Variants in AUTS2 observed in about 807,000 individuals in gnomAD.
The protein encoded by AUTS2 is activator of transcription and developmental regulator AUTS2.
A neutral mutation model predicts 112.4 loss-of-function variants in AUTS2; 17 were observed. The observed-to-expected ratio is 0.15, with a 90% CI of 0.10 to 0.23. The LOEUF is 0.23. Ranked by LOEUF, AUTS2 falls within the 10% of genes least tolerant of loss-of-function variation. AUTS2 has a pLI of 1.00. For synonymous variants in AUTS2, 751 were observed against 702.7 expected (o/e 1.07, Z -1.09); for missense variants, 1,510 against 1,701.6 (o/e 0.89, Z 1.98).
intron 2 of AUTS2, among the ~76,000 whole-genome samples, chr7:70,025,044 C>T (rs776633384): frequency 1.3e-5 from 2 of 152,210 alleles, no homozygotes; most frequent in Non-Finnish European, 2.9e-5. Flanking sequence ...TTCTGTCTCT[C>T]ATCTCACATG....
chr7:70,014,520 A>T (rs549335291), intron 2 of AUTS2, among the ~76,000 whole-genome samples: 221 of 152,324 alleles, frequency 1.5e-3, no homozygotes, highest in Non-Finnish European at 2.5e-3. Flanking sequence ...ATTAATGAAG[A>T]TTTCAATGTT....
chr7:70,265,062 T>C lies in AUTS2; in HGVS notation c.660+130491T>C, dbSNP rs549962866. On this transcript the variant is annotated intron_variant, in intron 4 of 18. Transcript: ENST00000342771. Reference sequence around the variant, plus strand: ...TATTCCTCAAATGTATCTAATTCCTTAGGATTAATGATTTGTTTCTCTTAA... The same window carrying C: ...TATTCCTCAAATGTATCTAATTCCTCAGGATTAATGATTTGTTTCTCTTAA... Among the ~76,000 whole-genome samples the C allele has an allele frequency of 3.4e-4, 52 of 152,334 alleles. 1 individual carries two copies. Among genetic ancestry groups the C allele is most frequent in the African/African-American group, 1.1e-3 (45 of 41,588 alleles).
chr7:70,063,261 G>GTT (rs762616016), intron 2 of AUTS2, among the ~76,000 whole-genome samples: 1 of 138,488 alleles, frequency 7.2e-6, no homozygotes, highest in African/African-American at 2.6e-5. Flanking sequence ...TTTGGGTTTT[G>GTT]TTTTTTTTTT....
chr7:70,731,023 A>G (rs1235834501), intron 6 of AUTS2, among the ~76,000 whole-genome samples: 2 of 152,130 alleles, frequency 1.3e-5, no homozygotes, highest in Admixed American at 6.6e-5. Flanking sequence ...TCATGTGCTT[A>G]TGGCCATTTG....
intron 2 of AUTS2, among the ~76,000 whole-genome samples, chr7:70,092,956 AGGATGGT>A (rs1270984371): frequency 1.3e-5 from 2 of 152,158 alleles, no homozygotes; most frequent in Admixed American, 6.5e-5. Flanking sequence ...CGAAAATTGT[AGGATGGT>A]GTCCTTATGA....
chr7:69,648,441 A>G (rs1795137075), intron 1 of AUTS2, among the ~76,000 whole-genome samples: 1 of 150,124 alleles, frequency 6.7e-6, no homozygotes, highest in South Asian at 2.1e-4. Flanking sequence ...TGTGTATTAG[A>G]ATTCAGTAAC....
chr7:70,349,953 A>G (rs562474220), intron 4 of AUTS2, among the ~76,000 whole-genome samples: 3 of 152,208 alleles, frequency 2.0e-5, no homozygotes, highest in Admixed American at 1.3e-4. Flanking sequence ...AAGAACTGGG[A>G]CAGTGTTGGA....
chr7:70,607,978 A>G (rs2129532292), intron 5 of AUTS2, among the ~76,000 whole-genome samples: 1 of 152,358 alleles, frequency 6.6e-6, no homozygotes, highest in East Asian at 1.9e-4. Flanking sequence ...GTCATATGAT[A>G]CGACTCTTCC....
chr7:69,976,423 C>T (rs1356771940), intron 2 of AUTS2, among the ~76,000 whole-genome samples: 1 of 152,196 alleles, frequency 6.6e-6, no homozygotes. Flanking sequence ...GTTGCTTCCA[C>T]CTCTTGGCTA....
intron 5 of AUTS2, among the ~76,000 whole-genome samples, chr7:70,439,709 C>T (rs916925426): frequency 1.3e-5 from 2 of 152,072 alleles, no homozygotes; most frequent in Admixed American, 6.6e-5. Flanking sequence ...ATCCCCCATT[C>T]GAAATGAATT....
chr7:69,958,996 C>T (rs1330503985), intron 2 of AUTS2, among the ~76,000 whole-genome samples: 1 of 152,130 alleles, frequency 6.6e-6, no homozygotes, highest in African/African-American at 2.4e-5. Flanking sequence ...TCACATTTCA[C>T]CTATGCAAAA....
At chr7:70,101,457 G>A (rs1804492331) in intron 2 of AUTS2, among the ~76,000 whole-genome samples, 1 of 151,972 alleles carries the variant, frequency 6.6e-6, no homozygotes, top group South Asian at 2.1e-4. Flanking sequence ...CATTTTGGGA[G>A]GCTGAGGTGG....
At chr7:69,960,734 A>G (rs1797396946) in intron 2 of AUTS2, among the ~76,000 whole-genome samples, 1 of 152,086 alleles carries the variant, frequency 6.6e-6, no homozygotes, top group Admixed American at 6.6e-5. Flanking sequence ...TTGCTTTTCT[A>G]GGTGTTTTAT....
intron 6 of AUTS2, among the ~76,000 whole-genome samples, chr7:70,755,240 G>C (rs1381901843): frequency 2.0e-5 from 3 of 151,946 alleles, no homozygotes; most frequent in Non-Finnish European, 4.4e-5. Context: ...CTCCAGCGTG[G>C]GCGACAGAGC....
At chr7:70,113,142 A>G (rs1327170779) in intron 2 of AUTS2, among the ~76,000 whole-genome samples, 1 of 152,200 alleles carries the variant, frequency 6.6e-6, no homozygotes, top group Non-Finnish European at 1.5e-5. Context: ...ATTTGTTAAA[A>G]TAATTTTAGC....
At chr7:69,760,079 A>T (rs540208073) in intron 1 of AUTS2, among the ~76,000 whole-genome samples, 1 of 151,892 alleles carries the variant, frequency 6.6e-6, no homozygotes, top group African/African-American at 2.4e-5. Context: ...TATGAACTCA[A>T]TCTACAAAGA....
intron 5 of AUTS2, among the ~76,000 whole-genome samples, chr7:70,615,436 G>A (rs1308887635): frequency 6.6e-6 from 1 of 152,202 alleles, no homozygotes; most frequent in Non-Finnish European, 1.5e-5. Context: ...AGGGAGCAGA[G>A]GCTTGAGAGG....
intron 14 of AUTS2, among the ~76,000 whole-genome samples, chr7:70,777,835 C>T (rs6460558): frequency 0.85 from 129,920 of 152,252 alleles, 55,550 homozygotes; most frequent in East Asian, 0.95. Context: ...AGAAAATACT[C>T]TGCATCTGGG....
intron 2 of AUTS2, among the ~76,000 whole-genome samples, chr7:69,956,100 G>A (rs560471024): frequency 6.6e-6 from 1 of 151,970 alleles, no homozygotes; most frequent in Non-Finnish European, 1.5e-5. Context: ...TCTCACTTAG[G>A]CCTGGTGTTC....
Sources: gnomAD v4.1 joint callset for allele counts (sites outside exome capture counted in the v4.1 genomes callset) on GRCh38, gnomAD v4.1.1 for gene constraint, MANE v1.5 for transcripts, NCBI Gene and HGNC (gene_info 2026-07-23, HGNC 2026-07-21) for gene names.